ALK: variants seen among roughly 807,000 people sequenced by gnomAD.
ALK encodes ALK tyrosine kinase receptor.
In ALK, 74 loss-of-function variants were observed where a neutral mutation model predicts 163.1. The observed-to-expected ratio is 0.45, with a 90% CI of 0.38 to 0.55. ALK has a LOEUF of 0.55. Ranked by LOEUF, ALK falls within the 20% of genes least tolerant of loss-of-function variation. The probability of loss-of-function intolerance (pLI) is 0.00; values close to 1 mark genes in which losing one functional copy is unlikely to be tolerated. For missense variants in ALK, 2,063 were observed against 2,105.3 expected, an observed-to-expected ratio of 0.98 and a Z score of 0.39; for synonymous variants, 960 against 843.2, an observed-to-expected ratio of 1.14 and a Z score of -2.40.
intron 1 of ALK, among the ~76,000 whole-genome samples, chr2:29,914,868 C>G (rs1667790936): frequency 6.6e-6 from 1 of 152,152 alleles, no homozygotes; most frequent in African/African-American, 2.4e-5. Flanking sequence ...AACTGTGGTT[C>G]TAGTCAGTAT....
At chr2:29,903,749 C>T (rs1292648953) in intron 1 of ALK, among the ~76,000 whole-genome samples, 1 of 152,002 alleles carries the variant, frequency 6.6e-6, no homozygotes, top group African/African-American at 2.4e-5. Context: ...GTCTTTAAAG[C>T]ATATTAGAGG....
chr2:29,823,517 T>G (rs960864655), intron 1 of ALK, among the ~76,000 whole-genome samples: 2 of 152,132 alleles, frequency 1.3e-5, no homozygotes, highest in African/African-American at 2.4e-5. Context: ...GATAATGATA[T>G]GGACAATGAA....
intron 4 of ALK, among the ~76,000 whole-genome samples, chr2:29,522,589 T>C (rs747157241): frequency 6.6e-6 from 1 of 151,984 alleles, no homozygotes; most frequent in African/African-American, 2.4e-5. Context: ...GGTAACTGAA[T>C]GGTCACAAGG....
At chr2:29,222,716 G>A (rs764784069) in intron 20 of ALK, 109 bp from the exon 21 acceptor site, 37 of 906,256 alleles carry the variant, frequency 4.1e-5, no homozygotes, top group Non-Finnish European at 5.3e-5. Flanking sequence ...CACGAGAGGC[G>A]GGGGTAACAT....
intron 5 of ALK, among the ~76,000 whole-genome samples, chr2:29,346,901 G>A (rs78518657): frequency 0.072 from 10,981 of 152,216 alleles, 522 homozygotes; most frequent in Non-Finnish European, 0.11. Context: ...TCTGCAGCAC[G>A]CTTCCTGGGT....
intron 1 of ALK, among the ~76,000 whole-genome samples, chr2:29,842,194 T>C (rs1665719013): frequency 6.6e-6 from 1 of 152,140 alleles, no homozygotes; most frequent in South Asian, 2.1e-4. Flanking sequence ...GGCAGATACA[T>C]CTATGACCAT....
intron 3 of ALK, among the ~76,000 whole-genome samples, chr2:29,621,430 T>C (rs1676034899): frequency 6.6e-6 from 1 of 152,200 alleles, no homozygotes; most frequent in Non-Finnish European, 1.5e-5. Context: ...CCTCTGGCCA[T>C]TGTCCTGAGT....
chr2:29,750,374 G>T (rs1014458215), intron 1 of ALK, among the ~76,000 whole-genome samples: 1 of 152,152 alleles, frequency 6.6e-6, no homozygotes, highest in East Asian at 1.9e-4. Flanking sequence ...ATATAGAAAA[G>T]GTACTAAGCT....
chr2:29,307,903 G>A (rs1573213468), intron 8 of ALK, among the ~76,000 whole-genome samples: 1 of 152,120 alleles, frequency 6.6e-6, no homozygotes, highest in East Asian at 1.9e-4. Context: ...ACCACTTAAT[G>A]TTTCTTTTCT....
intron 3 of ALK, among the ~76,000 whole-genome samples, chr2:29,593,503 G>A (rs1346585143): frequency 1.3e-5 from 2 of 152,158 alleles, no homozygotes; most frequent in Non-Finnish European, 2.9e-5. Context: ...TGCAAAACTT[G>A]TTTCCAGAAA....
rs146356974 is a variant in ALK, at chr2:29,421,008, G to C, written c.1155-37149C>G. On this transcript the variant is annotated intron_variant, in intron 4 of 28. Coordinates refer to ENST00000389048, the MANE Select transcript of ALK (RefSeq NM_004304.5). ...AAGCAATGGCCAGGAGCTACTGGTGGCTCTTGACCTCTCTGTCTCCATGCC... is the reference window on the plus strand; with the variant it reads ...AAGCAATGGCCAGGAGCTACTGGTGCCTCTTGACCTCTCTGTCTCCATGCC... Among the ~76,000 whole-genome samples, 92 of 151,622 alleles carry C rather than the reference G, an allele frequency of 6.1e-4. 3 individuals carry two copies. Among genetic ancestry groups the C allele is most frequent in the African/African-American group, 2.2e-3 (88 of 40,924 alleles).
intron 4 of ALK, among the ~76,000 whole-genome samples, chr2:29,511,042 A>G (rs930401648): frequency 4.6e-5 from 7 of 152,132 alleles, no homozygotes; most frequent in African/African-American, 1.7e-4. Context: ...ACATACATGT[A>G]TCACTTCCTC....
chr2:29,655,888 T>C (rs749764884), intron 3 of ALK, among the ~76,000 whole-genome samples: 4 of 152,344 alleles, frequency 2.6e-5, no homozygotes, highest in Non-Finnish European at 4.4e-5. Flanking sequence ...TCTCTGCTGA[T>C]TGACATATGG....
At chr2:29,245,133 G>A (rs556181930) in intron 12 of ALK, among the ~76,000 whole-genome samples, 3 of 131,312 alleles carry the variant, frequency 2.3e-5, no homozygotes, top group African/African-American at 9.1e-5. Flanking sequence ...AGTTGGAGCG[G>A]TATGGCTCAG....
chr2:29,380,327 A>G (rs1235201045), intron 5 of ALK, among the ~76,000 whole-genome samples: 2 of 151,608 alleles, frequency 1.3e-5, no homozygotes. Flanking sequence ...GATGGTCTTG[A>G]TCTCTTGACC....
chr2:29,710,790 C>T (rs924301651), intron 2 of ALK, among the ~76,000 whole-genome samples: 7 of 152,078 alleles, frequency 4.6e-5, no homozygotes, highest in Admixed American at 3.9e-4. Context: ...GGATTACAGG[C>T]GTGAGCAACT....
intron 3 of ALK, among the ~76,000 whole-genome samples, chr2:29,629,661 C>T (rs10193596): frequency 0.64 from 96,755 of 151,976 alleles, 31,771 homozygotes; most frequent in Middle Eastern, 0.73. Flanking sequence ...ATGTTAATAC[C>T]ATCTAACATT....
chr2:29,744,746 T>A (rs1680163094), intron 1 of ALK, among the ~76,000 whole-genome samples: 1 of 152,146 alleles, frequency 6.6e-6, no homozygotes, highest in East Asian at 1.9e-4. Flanking sequence ...AGCCGGAACA[T>A]CATCTGTAAG....
At chr2:29,598,365 T>TTTTGTTTGTTTG (rs10623988) in intron 3 of ALK, among the ~76,000 whole-genome samples, 157 of 151,542 alleles carry the variant, frequency 1.0e-3, no homozygotes, top group African/African-American at 3.5e-3. Context: ...GTTGTTTGTT[T>TTTTGTTTGTTTG]TTTGTTTGTT....
Sources: gnomAD v4.1 joint callset for allele counts (sites outside exome capture counted in the v4.1 genomes callset) on GRCh38, gnomAD v4.1.1 for gene constraint, MANE v1.5 for transcripts, NCBI Gene and HGNC (gene_info 2026-07-23, HGNC 2026-07-21) for gene names.